Variants in MAP3K5 observed in about 807,000 individuals in gnomAD.
The protein encoded by MAP3K5 is ASK-1.
MAP3K5 carries 56 observed loss-of-function variants against 158.7 expected under a neutral mutation model. The observed-to-expected ratio is 0.35, with a 90% CI of 0.28 to 0.44. MAP3K5 has a LOEUF of 0.44. MAP3K5 is among the 20% of genes least tolerant of loss of function. The pLI is 1.00. For missense variants in MAP3K5, 1,294 were observed against 1,674.8 expected (o/e 0.77, Z 3.97); for synonymous variants, 579 against 601.7 (o/e 0.96, Z 0.55).
intron 14 of MAP3K5, among the ~76,000 whole-genome samples, chr6:136,634,374 A>T (rs1181382393): frequency 1.3e-5 from 2 of 152,088 alleles, no homozygotes; most frequent in Non-Finnish European, 2.9e-5. Flanking sequence ...GTTTTGCTAA[A>T]AGAACACCCA....
chr6:136,624,116 C>T (rs955587669), intron 14 of MAP3K5, among the ~76,000 whole-genome samples: 1 of 152,104 alleles, frequency 6.6e-6, no homozygotes, highest in African/African-American at 2.4e-5. Flanking sequence ...ATTGGTTGAA[C>T]CTGGGAGACG....
chr6:136,580,274 T>G lies in MAP3K5; in HGVS notation c.3517+27A>C, dbSNP rs555203796. The G allele has an allele frequency of 5.3e-5, 73 of 1,389,096 alleles. No individual in the cohort carries two copies. In the East Asian group the frequency reaches 1.6e-3, roughly 31 times the overall value. 86.0% of individuals were successfully genotyped at this position (1,389,096 alleles called of 1,614,324 possible). ...ATCTAAAATATCCAAGCACTAAATA[T>G]GTGCAGAGTAATTAAATATCTCTGA... On this transcript the variant is annotated intron_variant, in intron 25 of 29. Transcript: ENST00000359015.
intron 1 of MAP3K5, among the ~76,000 whole-genome samples, chr6:136,737,870 A>G (rs1427408119): frequency 6.6e-6 from 1 of 152,200 alleles, no homozygotes; most frequent in Non-Finnish European, 1.5e-5. Context: ...TGATTCTTAC[A>G]GGAGTAATGG....
At chr6:136,597,673 A>T (rs917773589) in intron 21 of MAP3K5, among the ~76,000 whole-genome samples, 1 of 152,242 alleles carries the variant, frequency 6.6e-6, no homozygotes, top group Non-Finnish European at 1.5e-5. Flanking sequence ...CCATGCAGGC[A>T]GGATCTGGGA....
intron 1 of MAP3K5, among the ~76,000 whole-genome samples, chr6:136,737,137 G>A (rs544637800): frequency 6.7e-6 from 1 of 150,372 alleles, no homozygotes; most frequent in East Asian, 2.0e-4. Context: ...ATTACTGCAA[G>A]TACAGAAAAC....
In MAP3K5 at chr6:136,613,751, C is replaced by G. The variant is rs1477109521; in HGVS notation, c.2278+408G>C. On this transcript the variant is annotated intron_variant, in intron 16 of 29. Coordinates refer to ENST00000359015, the MANE Select transcript of MAP3K5 (RefSeq NM_005923.4). This position sits in a 1 kb window ranked among gnomAD's most constrained non-coding sequence, Gnocchi z 4.0. ...AGAAAAGATCCCCCGAGACCATTAC[C>G]CCTCCTTATGGAACATTAAAATAAT... Among the ~76,000 whole-genome samples, 2 of 151,942 alleles carry G rather than the reference C, an allele frequency of 1.3e-5. No individual in the cohort carries two copies. Among genetic ancestry groups the G allele is most frequent in the Non-Finnish European group, 2.9e-5 (2 of 67,998 alleles).
intron 10 of MAP3K5, among the ~76,000 whole-genome samples, chr6:136,653,316 A>G (rs1778601886): frequency 6.6e-6 from 1 of 152,248 alleles, no homozygotes; most frequent in South Asian, 2.1e-4. Flanking sequence ...GTCACAGTTA[A>G]TTCTTGGAGA....
At chr6:136,690,438 A>G (rs1417087090) in intron 7 of MAP3K5, among the ~76,000 whole-genome samples, 1 of 152,174 alleles carries the variant, frequency 6.6e-6, no homozygotes, top group African/African-American at 2.4e-5. Flanking sequence ...AAAATCTTTT[A>G]AGTGCGTATA....
Position 136,614,293 on chromosome 6 carries a change from G to C in MAP3K5, c.2151-7C>G, listed in dbSNP as rs765435467. 2 of 1,610,934 alleles carry C rather than the reference G, an allele frequency of 1.2e-6. No individual in the cohort carries two copies. The highest frequency in any genetic ancestry group is 1.7e-6 in the Non-Finnish European group (2 of 1,178,590). On this transcript the variant is annotated splice_region_variant and splice_polypyrimidine_tract_variant and intron_variant, in intron 15 of 29. Coordinates refer to ENST00000359015, the MANE Select transcript of MAP3K5 (RefSeq NM_005923.4). ...ATGCAGGGGCTGAGAGTATCTAAAA[G>C]ACATGCAATTGTCAATGAGTTAATT...
In MAP3K5 at chr6:136,557,657, G is replaced by T; in HGVS notation, c.*101C>A. 2 of 721,302 alleles carry T rather than the reference G, an allele frequency of 2.8e-6. No homozygotes were observed. The highest frequency in any genetic ancestry group is 4.9e-6 in the Non-Finnish European group (2 of 409,930). The allele number at this position is 721,302 out of a possible 1,614,324, so 44.7% of individuals were successfully genotyped here. Reference sequence around the variant, plus strand: ...TGAGTAAACAAATACTGGATTTAAAGTGCAGCGCCTTTCTCCTCTCCCTTC... The same window carrying T: ...TGAGTAAACAAATACTGGATTTAAATTGCAGCGCCTTTCTCCTCTCCCTTC... On this transcript the variant is annotated 3_prime_UTR_variant, in exon 30 of 30. Coordinates refer to ENST00000359015, the MANE Select transcript of MAP3K5 (RefSeq NM_005923.4).
chr6:136,619,314 A>C (rs1776702233), intron 15 of MAP3K5, among the ~76,000 whole-genome samples: 1 of 152,206 alleles, frequency 6.6e-6, no homozygotes, highest in African/African-American at 2.4e-5. Context: ...CAGAGGAAGC[A>C]GATCACCTAT....
chr6:136,771,584 T>C (rs2115006720), intron 1 of MAP3K5, among the ~76,000 whole-genome samples: 1 of 152,284 alleles, frequency 6.6e-6, no homozygotes, highest in South Asian at 2.1e-4. Flanking sequence ...CAATTAAAAG[T>C]AGGTATAAAT....
At position 136,605,345 on chromosome 6, in the gene MAP3K5, G is replaced by A; in HGVS notation, c.2543C>T (p.Pro848Leu). Residue 848 changes from proline to leucine, a missense_variant, in exon 19 of 30, where the codon CCA becomes CTA. Pro to Leu is a moderately conservative substitution (Grantham distance 98). This residue lies in a region of MAP3K5 where 362 missense variants were observed against 463.2 expected (regional missense o/e 0.78). Transcript: ENST00000359015. ...TCTTGGTCCTTTATCTATTATTTCT[G>A]GTGCCATATACTGGAGGGTACCTGG... ...TFTGTLQYMA[P>L]EIIDKGPRGY... 1 of 1,613,362 alleles carries A rather than the reference G, an allele frequency of 6.2e-7. No homozygotes were observed. Among genetic ancestry groups the A allele is most frequent in the Non-Finnish European group, 8.5e-7 (1 of 1,179,684 alleles).
chr6:136,699,713 C>T (rs1388757428), intron 3 of MAP3K5, among the ~76,000 whole-genome samples: 1 of 152,096 alleles, frequency 6.6e-6, no homozygotes, highest in Non-Finnish European at 1.5e-5. Flanking sequence ...GCTCGAAGCT[C>T]AGGGAAGGGA....
intron 22 of MAP3K5, 39 bp downstream of exon 22, chr6:136,592,395 TAAC>T (rs768612620): frequency 4.2e-5 from 68 of 1,607,042 alleles, no homozygotes; most frequent in Non-Finnish European, 5.6e-5. Flanking sequence ...ATGACACACT[TAAC>T]AACACACTTC....
intron 1 of MAP3K5, among the ~76,000 whole-genome samples, chr6:136,724,989 A>G (rs1356805333): frequency 6.6e-6 from 1 of 152,138 alleles, no homozygotes; most frequent in Non-Finnish European, 1.5e-5. Flanking sequence ...TACTGTCCCT[A>G]AAGTTTTACC....
At chr6:136,745,415 T>C (rs1425377534) in intron 1 of MAP3K5, among the ~76,000 whole-genome samples, 1 of 151,918 alleles carries the variant, frequency 6.6e-6, no homozygotes, top group Non-Finnish European at 1.5e-5. Flanking sequence ...AGAAAAAAGG[T>C]TTTGTCAGGG....
rs1779367260 is a variant in MAP3K5, at chr6:136,669,338, G to A, written c.1311C>T (p.Val437=). 1.2e-6 allele frequency: 2 copies of A among 1,613,766 alleles called. No homozygotes were observed. Among genetic ancestry groups the A allele is most frequent in the Admixed American group, 1.7e-5 (1 of 59,978 alleles). Residue 437 remains valine, a synonymous_variant, in exon 8 of 30, where the codon GTC becomes GTT. Coordinates refer to ENST00000359015, the MANE Select transcript of MAP3K5 (RefSeq NM_005923.4). ...PTLQSGINYA[V]LLLAAGHQFE... is the part of the protein sequence containing the mutation. ...ACTGGTGTCCAGCTGCCAGGAGGAG[G>A]ACCGCATAATTAATTCCTGACTGTA...
chr6:136,709,397 T>C (rs962123184), intron 2 of MAP3K5, among the ~76,000 whole-genome samples: 4 of 152,206 alleles, frequency 2.6e-5, no homozygotes, highest in African/African-American at 7.2e-5. Flanking sequence ...TAGTCTCTTC[T>C]AATGCTGTGT....
Sources: gnomAD v4.1 joint callset for allele counts (sites outside exome capture counted in the v4.1 genomes callset) on GRCh38, gnomAD v4.1.1 for gene constraint, gnomAD v4.1.1 regional missense constraint, Gnocchi (gnomAD v3.1) non-coding constraint, MANE v1.5 for transcripts, NCBI Gene and HGNC (gene_info 2026-07-23, HGNC 2026-07-21) for gene names.